ZDHHC6: variants seen among roughly 807,000 people sequenced by gnomAD.
ZDHHC6 encodes the protein palmitoyltransferase ZDHHC6.
ZDHHC6 carries 32 observed loss-of-function variants against 57.8 expected under a neutral mutation model. The ratio of observed to expected loss-of-function variants is 0.55; its 90% confidence interval spans 0.42 to 0.74. The LOEUF is 0.74. Among genes scored for constraint, ZDHHC6 ranks in the 30% least tolerant of loss-of-function variants. ZDHHC6 has a pLI of 0.00. For synonymous variants in ZDHHC6, 128 were observed against 158.0 expected, an observed-to-expected ratio of 0.81 and a Z score of 1.42; for missense variants, 433 against 500.7, an observed-to-expected ratio of 0.86 and a Z score of 1.29.
chr10:112,445,291 A>G lies in ZDHHC6; in HGVS notation c.146T>C (p.Leu49Ser). Residue 49 changes from leucine (L) to serine (S), a missense_variant, in exon 2 of 11, where the codon TTA (leucine) becomes TCA (serine). By Grantham distance (145) the Leu-to-Ser change is moderately radical. Transcript: ENST00000369405. ...ATTCACACTTCCTCCAGTTGTATGTAAGGGCCAATACCACAACACAGAGTC... is the reference window on the plus strand; with the variant it reads ...ATTCACACTTCCTCCAGTTGTATGTGAGGGCCAATACCACAACACAGAGTC... ...MIDSVLWYWP[L>S]HTTGGSVNFI... 1.2e-6 allele frequency: 2 copies of G among 1,614,222 alleles called. No individual in the cohort carries two copies. The highest frequency in any genetic ancestry group is 1.7e-6 in the Non-Finnish European group (2 of 1,180,044).
At chr10:112,439,261 G>A (rs905472801) in intron 5 of ZDHHC6, among the ~76,000 whole-genome samples, 2 of 152,158 alleles carry the variant, frequency 1.3e-5, no homozygotes, top group African/African-American at 4.8e-5. Context: ...CATATTCCAA[G>A]GGCCTAGCAT....
At chr10:112,433,140 G>A (rs183972707) in intron 8 of ZDHHC6, 100 bp downstream of exon 8, 6 of 934,398 alleles carry the variant, frequency 6.4e-6, no homozygotes, top group Middle Eastern at 2.8e-4. Context: ...ATTTAATAAA[G>A]GCCAACAATT....
Position 112,430,826 on chromosome 10 carries a change from T to C in ZDHHC6, c.1220A>G (p.Glu407Gly), listed in dbSNP as rs764229337. 8 of 1,613,568 alleles carry C rather than the reference T, an allele frequency of 5.0e-6. No homozygotes were observed. Among genetic ancestry groups the C allele is most frequent in the Admixed American group, 1.7e-5 (1 of 59,968 alleles). Residue 407 changes from glutamate (E) to glycine (G), a missense_variant, in exon 11 of 11, where the codon GAG (glutamate) becomes GGG (glycine). Transcript: ENST00000369405. ...PCDAETDQAPEGEKKNR is the reference protein window; with the variant it reads ...PCDAETDQAPGGEKKNR The stretch of plus-strand genomic sequence containing the variant: ...CAGCTATCTATTTTTCTTCTCCCCC[T>C]CTGGGGCTTGATCTGTTTCAGCATC...
chr10:112,439,897 T>C (rs995292493), intron 5 of ZDHHC6, among the ~76,000 whole-genome samples: 4 of 152,142 alleles, frequency 2.6e-5, no homozygotes, highest in East Asian at 1.9e-4. Flanking sequence ...ATCTTTATCA[T>C]AGGGCTGTTA....
downstream of ZDHHC6, chr10:112,427,244 G>T: frequency 6.2e-7 from 1 of 1,612,878 alleles, no homozygotes; most frequent in Non-Finnish European, 8.5e-7. Context: ...TTCATCCAGA[G>T]CCATTTTCCA....
At chr10:112,436,330 C>T (rs554271133) in intron 6 of ZDHHC6, among the ~76,000 whole-genome samples, 28 of 152,118 alleles carry the variant, frequency 1.8e-4, no homozygotes, top group Non-Finnish European at 3.7e-4. Flanking sequence ...CAAAACTTAG[C>T]TGGGCATGGT....
Position 112,432,367 on chromosome 10 carries a change from ATTAC to A in ZDHHC6, c.1091+5_1091+8del. On this transcript the variant is annotated splice_donor_5th_base_variant and intron_variant, in intron 9 of 10. Transcript: ENST00000369405. ...TTGAAGAAGAAATGCAGTACTTCCT[ATTAC>A]TTACCGTAAACCTCTTGTGGCTAAA... 1.2e-6 allele frequency: 2 copies of A among 1,613,818 alleles called. No homozygotes were observed. Among genetic ancestry groups the A allele is most frequent in the South Asian group, 1.1e-5 (1 of 90,960 alleles).
intron 3 of ZDHHC6, among the ~76,000 whole-genome samples, chr10:112,442,963 T>A (rs1197282687): frequency 3.3e-5 from 5 of 152,206 alleles, no homozygotes; most frequent in African/African-American, 9.7e-5. Flanking sequence ...TTCTCTAAAT[T>A]TCTTACTAAT....
intron 2 of ZDHHC6, 136 bp from the exon 3 acceptor site, chr10:112,443,742 G>C: frequency 1.6e-6 from 1 of 624,582 alleles, no homozygotes; most frequent in Non-Finnish European, 2.7e-6. Flanking sequence ...TCTTATTTGA[G>C]CTAAAATATT....
At chr10:112,438,114 G>A (rs1418771986) in intron 6 of ZDHHC6, among the ~76,000 whole-genome samples, 1 of 152,186 alleles carries the variant, frequency 6.6e-6, no homozygotes, top group Non-Finnish European at 1.5e-5. Flanking sequence ...TGTATGAGAA[G>A]CACCTTTCTG....
downstream of ZDHHC6, chr10:112,425,350 A>G: frequency 6.2e-7 from 1 of 1,612,760 alleles, no homozygotes; most frequent in South Asian, 1.1e-5. Flanking sequence ...TGGAACTCTG[A>G]AGATCATCGA....
downstream of ZDHHC6, among the ~76,000 whole-genome samples, chr10:112,428,786 A>C (rs1441152804): frequency 6.6e-6 from 1 of 152,010 alleles, no homozygotes; most frequent in Non-Finnish European, 1.5e-5. Flanking sequence ...AAAAAAACAA[A>C]AACAAAACAA....
downstream of ZDHHC6, chr10:112,427,754 T>C (rs556371610): frequency 6.4e-6 from 1 of 155,532 alleles, no homozygotes; most frequent in South Asian, 2.1e-4. Flanking sequence ...ACAGTCTCTA[T>C]GCTTATTTAC....
intron 3 of ZDHHC6, among the ~76,000 whole-genome samples, chr10:112,442,841 A>G (rs1326437152): frequency 1.3e-5 from 2 of 152,194 alleles, no homozygotes; most frequent in African/African-American, 4.8e-5. Context: ...CTCTGAGCTA[A>G]GCAAGCTAAC....
chr10:112,444,781 C>A (rs868036973), intron 2 of ZDHHC6, among the ~76,000 whole-genome samples: 5 of 152,290 alleles, frequency 3.3e-5, no homozygotes, highest in African/African-American at 1.2e-4. Context: ...TTTAAACCAG[C>A]AGTTTCTAAA....
At chr10:112,434,601 T>A (rs1415925263) in intron 6 of ZDHHC6, 137 bp from the exon 7 acceptor site, 1 of 851,938 alleles carries the variant, frequency 1.2e-6, no homozygotes. Context: ...TTAGTGTACA[T>A]GGAAGCAATA....
chr10:112,432,996 C>G (rs886435781), intron 8 of ZDHHC6, among the ~76,000 whole-genome samples: 5 of 152,146 alleles, frequency 3.3e-5, no homozygotes, highest in Non-Finnish European at 7.4e-5. Context: ...CATTAAGGAG[C>G]TGTATTGAGG....
intron 5 of ZDHHC6, 104 bp downstream of exon 5, chr10:112,440,430 A>C: frequency 8.0e-7 from 1 of 1,253,044 alleles, no homozygotes; most frequent in Non-Finnish European, 1.1e-6. Flanking sequence ...AGCAAAAATA[A>C]TTTCCATTTC....
upstream of ZDHHC6, chr10:112,447,309 C>G: frequency 6.5e-7 from 1 of 1,541,904 alleles, no homozygotes. Context: ...CGGGGCCCCT[C>G]GCTGCCCCTC....
Sources: gnomAD v4.1 joint callset for allele counts (sites outside exome capture counted in the v4.1 genomes callset) on GRCh38, gnomAD v4.1.1 for gene constraint, MANE v1.5 for transcripts, NCBI Gene and HGNC (gene_info 2026-07-23, HGNC 2026-07-21) for gene names.